The following SAMTOR variants were observed in gnomAD, a reference collection of about 807,000 sequenced individuals.
The protein encoded by SAMTOR is S-adenosylmethionine sensor upstream of mTORC1.
the SAMTOR span, among the ~76,000 whole-genome samples, chr7:112,906,476 T>C: frequency 2.0e-5 from 3 of 151,950 alleles, no homozygotes; most frequent in African/African-American, 7.2e-5. Context: ...CAACAAGAAA[T>C]GTGCATAATC....
chr7:112,921,291 C>T, the SAMTOR span, among the ~76,000 whole-genome samples: 4 of 151,970 alleles, frequency 2.6e-5, no homozygotes, highest in African/African-American at 7.3e-5. Context: ...GAAATAACGC[C>T]GCATATCTAC....
chr7:112,912,750 C>T, the SAMTOR span, among the ~76,000 whole-genome samples: 1 of 151,064 alleles, frequency 6.6e-6, no homozygotes, highest in African/African-American at 2.4e-5. Flanking sequence ...ACCTAAATTC[C>T]TAATGATTTT....
At chr7:112,897,932 G>C in the SAMTOR span, among the ~76,000 whole-genome samples, 1 of 152,132 alleles carries the variant, frequency 6.6e-6, no homozygotes, top group Non-Finnish European at 1.5e-5. Context: ...AGACAGTCTT[G>C]AACTGTCTAT....
the SAMTOR span, among the ~76,000 whole-genome samples, chr7:112,936,232 C>CGATA: frequency 2.6e-5 from 4 of 152,124 alleles, no homozygotes; most frequent in East Asian, 5.8e-4. Flanking sequence ...TGTCTCTTAA[C>CGATA]TATCAATGGC....
At chr7:112,821,969 A>G in the SAMTOR span, 2 of 1,613,458 alleles carry the variant, frequency 1.2e-6, no homozygotes, top group East Asian at 4.5e-5. Flanking sequence ...GGTAGTTCCT[A>G]CTAACCAAGT....
At chr7:112,899,659 A>G in the SAMTOR span, among the ~76,000 whole-genome samples, 1,644 of 152,212 alleles carry the variant, frequency 0.011, 31 homozygotes, top group African/African-American at 0.037. Flanking sequence ...ACAAAGAAAG[A>G]ATCCTAAAAG....
the SAMTOR span, among the ~76,000 whole-genome samples, chr7:112,884,775 C>T: frequency 1.3e-5 from 2 of 152,174 alleles, no homozygotes; most frequent in Non-Finnish European, 2.9e-5. Flanking sequence ...TCTAACCATT[C>T]TAGGATCTGG....
the SAMTOR span, among the ~76,000 whole-genome samples, chr7:112,934,553 T>C: frequency 6.6e-6 from 1 of 152,348 alleles, no homozygotes; most frequent in Non-Finnish European, 1.5e-5. Context: ...TCTATTTTCA[T>C]CATCACTACT....
the SAMTOR span, among the ~76,000 whole-genome samples, chr7:112,910,055 T>C: frequency 1.3e-5 from 2 of 152,038 alleles, no homozygotes; most frequent in East Asian, 3.9e-4. Flanking sequence ...AGACTCATCT[T>C]TGTACTACAG....
chr7:112,843,448 T>TCCCCCCGGCGGACCCC, the SAMTOR span, among the ~76,000 whole-genome samples: 1 of 152,086 alleles, frequency 6.6e-6, no homozygotes, highest in East Asian at 1.9e-4. Context: ...CTGTAATTTC[T>TCCCCCCGGCGGACCCC]CTAAGTAATA....
the SAMTOR span, chr7:112,820,995 G>A: frequency 6.6e-6 from 1 of 152,520 alleles, no homozygotes; most frequent in South Asian, 2.1e-4. Context: ...AAAAGTAAAA[G>A]TGAACTCTCA....
At chr7:112,863,049 T>C in the SAMTOR span, among the ~76,000 whole-genome samples, 1 of 151,914 alleles carries the variant, frequency 6.6e-6, no homozygotes, top group Non-Finnish European at 1.5e-5. Context: ...GGCTACAGTA[T>C]CCAAAACAGC....
the SAMTOR span, among the ~76,000 whole-genome samples, chr7:112,934,123 A>G: frequency 2.0e-5 from 3 of 152,118 alleles, no homozygotes; most frequent in African/African-American, 7.2e-5. Context: ...ATACAGTTCT[A>G]CTACTGTGTT....
the SAMTOR span, among the ~76,000 whole-genome samples, chr7:112,867,851 G>A: frequency 6.6e-6 from 1 of 152,206 alleles, no homozygotes; most frequent in African/African-American, 2.4e-5. Flanking sequence ...CTGCAAACTG[G>A]TATTGGTCCG....
At chr7:112,915,564 A>T in the SAMTOR span, 1 of 682,588 alleles carries the variant, frequency 1.5e-6, no homozygotes, top group Non-Finnish European at 2.1e-6. Flanking sequence ...TTATAAAGTA[A>T]AACCATAAAA....
the SAMTOR span, among the ~76,000 whole-genome samples, chr7:112,866,000 T>C: frequency 1.3e-5 from 2 of 151,636 alleles, no homozygotes; most frequent in African/African-American, 4.8e-5. Flanking sequence ...TCTCCAGAAA[T>C]AAAGCAATTA....
chr7:112,829,510 G>C, the SAMTOR span, among the ~76,000 whole-genome samples: 156 of 152,224 alleles, frequency 1.0e-3, no homozygotes, highest in Admixed American at 2.1e-3. Context: ...GTTGGTCATT[G>C]TTGGCTGATT....
At chr7:112,864,045 T>C in the SAMTOR span, among the ~76,000 whole-genome samples, 1 of 152,206 alleles carries the variant, frequency 6.6e-6, no homozygotes, top group Non-Finnish European at 1.5e-5. Flanking sequence ...GTGGTACATA[T>C]ACACCACGGA....
chr7:112,821,437 CAT>C, the SAMTOR span: 6 of 196,378 alleles, frequency 3.1e-5, no homozygotes, highest in Admixed American at 5.8e-5. Context: ...AAAAGGAAAA[CAT>C]ATAGCAAATT....
Sources: gnomAD v4.1 joint callset for allele counts (sites outside exome capture counted in the v4.1 genomes callset) on GRCh38, gnomAD v4.1.1 for gene constraint, MANE v1.5 for transcripts, NCBI Gene and HGNC (gene_info 2026-07-23, HGNC 2026-07-21) for gene names.